The following ESR1 variants were observed in gnomAD, a reference collection of about 807,000 sequenced individuals.
ESR1 encodes the protein estrogen receptor.
Under a neutral mutation model 52.7 loss-of-function variants are expected in ESR1, and 12 were observed. The observed-to-expected ratio is 0.23, with a 90% CI of 0.15 to 0.37. ESR1 has a LOEUF of 0.37. ESR1 is among the 10% of genes least tolerant of loss of function. ESR1 has a pLI of 1.00. For missense variants in ESR1, 584 were observed against 779.7 expected, an observed-to-expected ratio of 0.75 and a Z score of 2.99; for synonymous variants, 305 against 316.8, an observed-to-expected ratio of 0.96 and a Z score of 0.39.
chr6:152,012,961 G>A (rs1247397854), intron 5 of ESR1, among the ~76,000 whole-genome samples: 4 of 152,192 alleles, frequency 2.6e-5, no homozygotes, highest in African/African-American at 9.7e-5. Context: ...TGTACAAGGT[G>A]TTGGTTATTG....
At chr6:152,106,923 C>T (rs1450955681), downstream of ESR1, among the ~76,000 whole-genome samples, 3 of 151,892 alleles carry the variant, frequency 2.0e-5, no homozygotes, top group African/African-American at 4.8e-5. Context: ...TTGTATATAT[C>T]ATCCCATTGT....
At chr6:151,721,609 G>A (rs545395409) in intron 2 of ESR1, among the ~76,000 whole-genome samples, 64 of 152,302 alleles carry the variant, frequency 4.2e-4, no homozygotes, top group African/African-American at 1.4e-3. Flanking sequence ...GTTTGGAAAG[G>A]AAGATGCTAA....
intron 2 of ESR1, among the ~76,000 whole-genome samples, chr6:151,861,267 A>C (rs1487742646): frequency 6.6e-6 from 1 of 152,174 alleles, no homozygotes; most frequent in Non-Finnish European, 1.5e-5. Flanking sequence ...TTTTGTAGTA[A>C]ATTTTAAAAA....
chr6:151,967,412 C>G (rs557890630), intron 4 of ESR1, among the ~76,000 whole-genome samples: 69 of 152,274 alleles, frequency 4.5e-4, no homozygotes, highest in Non-Finnish European at 8.1e-4. Flanking sequence ...TCAACTCCCC[C>G]TTATGAGTGA....
At chr6:151,732,271 A>G (rs1207740932) in intron 2 of ESR1, among the ~76,000 whole-genome samples, 1 of 152,154 alleles carries the variant, frequency 6.6e-6, no homozygotes, top group Non-Finnish European at 1.5e-5. Flanking sequence ...ACATTATATA[A>G]AAAAAGTATG....
intron 4 of ESR1, among the ~76,000 whole-genome samples, chr6:151,988,697 A>G (rs1475300640): frequency 1.3e-5 from 2 of 152,124 alleles, no homozygotes; most frequent in African/African-American, 4.8e-5. Context: ...TACCTATGTG[A>G]GAAACCTGCA....
chr6:151,752,243 G>A (rs1006649403), intron 2 of ESR1, among the ~76,000 whole-genome samples: 9 of 152,146 alleles, frequency 5.9e-5, no homozygotes, highest in African/African-American at 2.2e-4. Flanking sequence ...GAATCTTAAT[G>A]TAGCCTTTTA....
At chr6:151,880,854 G>T in intron 3 of ESR1, 83 bp downstream of exon 3, 1 of 752,768 alleles carries the variant, frequency 1.3e-6, no homozygotes, top group Non-Finnish European at 2.4e-6. Flanking sequence ...ATAACACCAT[G>T]GGAATTTTGT....
chr6:151,922,352 G>C (rs2031863624), intron 3 of ESR1, among the ~76,000 whole-genome samples: 1 of 152,116 alleles, frequency 6.6e-6, no homozygotes, highest in South Asian at 2.1e-4. Flanking sequence ...CATATTTAAG[G>C]AGTGAGAAGA....
At chr6:152,005,799 C>T (rs1373614259) in intron 4 of ESR1, among the ~76,000 whole-genome samples, 1 of 152,074 alleles carries the variant, frequency 6.6e-6, no homozygotes, top group Non-Finnish European at 1.5e-5. Flanking sequence ...TACTTCTGCC[C>T]TCCTCATTCT....
At chr6:151,666,092 G>A (rs766324643) in intron 1 of ESR1, among the ~76,000 whole-genome samples, 11 of 152,190 alleles carry the variant, frequency 7.2e-5, no homozygotes, top group Non-Finnish European at 1.5e-4. Flanking sequence ...ATAGAAAATT[G>A]TTGAAATGTG....
At chr6:152,039,964 C>T (rs2045646907) in intron 5 of ESR1, among the ~76,000 whole-genome samples, 1 of 152,166 alleles carries the variant, frequency 6.6e-6, no homozygotes, top group Non-Finnish European at 1.5e-5. Context: ...TAAAGCATTC[C>T]ATAAGTCCAT....
chr6:152,087,316 A>T (rs1467422651), intron 6 of ESR1, among the ~76,000 whole-genome samples: 1 of 152,224 alleles, frequency 6.6e-6, no homozygotes, highest in East Asian at 1.9e-4. Context: ...GGAAATGGCC[A>T]CAAAAGGAGG....
rs146455226 is a variant in ESR1 at position 151,750,310 on chromosome 6, T to G, written c.-71+48305T>G. Among the ~76,000 whole-genome samples, 345 of 152,308 alleles carry G rather than the reference T, an allele frequency of 2.3e-3. 2 individuals are homozygous for G. The highest frequency in any genetic ancestry group is 7.9e-3 in the African/African-American group (328 of 41,568). On this transcript the variant is annotated intron_variant, in intron 2 of 2. Coordinates refer to the ESR1 transcript ENST00000404742. ...CAAAAGTTATTTGTGTTACTGTCCCTGATAATCGATGCTGTGTAATAAATC... is the reference window on the plus strand; with the variant it reads ...CAAAAGTTATTTGTGTTACTGTCCCGGATAATCGATGCTGTGTAATAAATC...
At chr6:151,740,285 ATTTTTTTT>A (rs386408967) in intron 2 of ESR1, among the ~76,000 whole-genome samples, 4 of 107,984 alleles carry the variant, frequency 3.7e-5, no homozygotes, top group Non-Finnish European at 5.4e-5. Context: ...TGCCTGGCTA[ATTTTTTTT>A]TTTTTTTTTT....
chr6:151,864,129 G>C (rs981063277), intron 2 of ESR1, among the ~76,000 whole-genome samples: 5 of 152,156 alleles, frequency 3.3e-5, no homozygotes, highest in African/African-American at 9.7e-5. Flanking sequence ...CACAGCAAAA[G>C]AAACTACCAT....
chr6:151,834,177 G>A (rs1166801392), intron 1 of ESR1, among the ~76,000 whole-genome samples: 5 of 152,062 alleles, frequency 3.3e-5, no homozygotes, highest in Non-Finnish European at 7.4e-5. Flanking sequence ...ATACCATTTG[G>A]CCCAGCAATC....
intron 6 of ESR1, among the ~76,000 whole-genome samples, chr6:152,093,422 A>G (rs2050364389): frequency 6.6e-6 from 1 of 150,622 alleles, no homozygotes; most frequent in Admixed American, 6.6e-5. Context: ...CTTTCTGCAG[A>G]CAGGAGTTCC....
chr6:152,103,045 G>GT lies in ESR1; in HGVS notation c.*4083dup, dbSNP rs921736474. On this transcript the variant is annotated 3_prime_UTR_variant, in exon 8 of 8. Coordinates refer to ENST00000206249, the MANE Select transcript of ESR1 (RefSeq NM_000125.4). ...ACATACTCTTCAGTGTAGAGCTCTT[G>GT]TTTTATGGGAAAAGGCTCAAATGCC... 21 of 211,148 alleles carry GT rather than the reference G, an allele frequency of 9.9e-5. No homozygotes were observed. Among genetic ancestry groups the GT allele is most frequent in the Non-Finnish European group, 1.9e-4 (20 of 105,962 alleles). 13.1% of individuals were successfully genotyped at this position (211,148 alleles called of 1,614,324 possible).
Sources: allele counts gnomAD v4.1 joint callset (sites outside exome capture counted in the v4.1 genomes callset), GRCh38; gene constraint gnomAD v4.1.1; transcripts MANE v1.5; gene names NCBI Gene and HGNC (gene_info 2026-07-23, HGNC 2026-07-21).